Variants in NBEAL1 observed in about 807,000 individuals in gnomAD.
The protein encoded by NBEAL1 is neurobeachin like 1, also known as neurobeachin-like protein 1.
Under a neutral mutation model 351.3 loss-of-function variants are expected in NBEAL1, and 273 were observed. The ratio of observed to expected loss-of-function variants is 0.78; its 90% CI spans 0.70 to 0.86. NBEAL1 has a LOEUF of 0.86. NBEAL1 is among the 40% of genes least tolerant of loss of function. The pLI is 0.00. For missense variants in NBEAL1, 2,961 were observed against 3,201.3 expected (o/e 0.92, Z 1.81); for synonymous variants, 1,050 against 1,086.4 (o/e 0.97, Z 0.66).
At chr2:203,164,152 T>G (rs2064056611) in intron 36 of NBEAL1, among the ~76,000 whole-genome samples, 1 of 151,940 alleles carries the variant, frequency 6.6e-6, no homozygotes, top group South Asian at 2.1e-4. Flanking sequence ...AACTTTTCCT[T>G]TTTTGGCATG....
chr2:203,051,813 G>A (rs1367488695), intron 4 of NBEAL1, among the ~76,000 whole-genome samples: 1 of 152,090 alleles, frequency 6.6e-6, no homozygotes, highest in East Asian at 1.9e-4. Context: ...ATAGCTACCA[G>A]TCACAGAACA....
At chr2:203,021,996 A>T (rs1313054396) in intron 2 of NBEAL1, among the ~76,000 whole-genome samples, 1 of 151,804 alleles carries the variant, frequency 6.6e-6, no homozygotes, top group African/African-American at 2.4e-5. Context: ...AGTTGCAGTG[A>T]CCTGAGATCT....
chr2:203,100,231 G>T (rs2062284345), intron 12 of NBEAL1, among the ~76,000 whole-genome samples: 1 of 152,114 alleles, frequency 6.6e-6, no homozygotes, highest in African/African-American at 2.4e-5. Flanking sequence ...TGTCTTTATG[G>T]TAGAACAATT....
At chr2:203,063,307 G>T (rs1263571617) in intron 6 of NBEAL1, among the ~76,000 whole-genome samples, 1 of 152,004 alleles carries the variant, frequency 6.6e-6, no homozygotes, top group East Asian at 1.9e-4. Flanking sequence ...AATTGGCCAG[G>T]TGTGGTGATG....
intron 2 of NBEAL1, among the ~76,000 whole-genome samples, chr2:203,022,901 T>C (rs2060793194): frequency 6.6e-6 from 1 of 152,236 alleles, no homozygotes; most frequent in Admixed American, 6.5e-5. Flanking sequence ...AAATTTATTT[T>C]GGATGTTGAT....
chr2:203,032,813 C>T (rs2060972854), intron 2 of NBEAL1, among the ~76,000 whole-genome samples: 1 of 149,450 alleles, frequency 6.7e-6, no homozygotes, highest in Non-Finnish European at 1.5e-5. Context: ...TACAGGCACA[C>T]ACCACCACGC....
chr2:203,038,668 C>T (rs2061078228), intron 2 of NBEAL1, among the ~76,000 whole-genome samples: 1 of 148,490 alleles, frequency 6.7e-6, no homozygotes, highest in Admixed American at 6.8e-5. Context: ...ACTCTGGCAC[C>T]AGAATATAGG....
chr2:203,184,842 A>C (rs1010562106), intron 44 of NBEAL1, among the ~76,000 whole-genome samples: 4 of 151,658 alleles, frequency 2.6e-5, no homozygotes, highest in African/African-American at 9.7e-5. Context: ...TGAGAGGATC[A>C]CTTGAGCCCA....
At chr2:203,180,333 G>C (rs947897925) in intron 42 of NBEAL1, 49 bp from the exon 43 acceptor site, 1 of 1,561,962 alleles carries the variant, frequency 6.4e-7, no homozygotes, top group Non-Finnish European at 8.6e-7. Context: ...TTCATGTCTT[G>C]TTGTTGATTT....
chr2:203,097,948 A>G (rs2062219170), intron 11 of NBEAL1, among the ~76,000 whole-genome samples: 1 of 152,162 alleles, frequency 6.6e-6, no homozygotes, highest in Non-Finnish European at 1.5e-5. Flanking sequence ...TGACTTTTCT[A>G]AGCACTGTGG....
intron 51 of NBEAL1, among the ~76,000 whole-genome samples, chr2:203,203,386 G>T (rs2065457430): frequency 1.3e-5 from 2 of 152,008 alleles, no homozygotes; most frequent in South Asian, 4.2e-4. Flanking sequence ...TGTTGGCCAG[G>T]CTGGTCTTGA....
intron 2 of NBEAL1, among the ~76,000 whole-genome samples, chr2:203,031,847 C>T (rs1461198114): frequency 1.3e-5 from 2 of 152,192 alleles, no homozygotes; most frequent in Non-Finnish European, 2.9e-5. Context: ...AGCCAGTCTT[C>T]AGATTCTACC....
At chr2:203,184,311 A>G (rs1162779188) in intron 44 of NBEAL1, among the ~76,000 whole-genome samples, 3 of 152,016 alleles carry the variant, frequency 2.0e-5, no homozygotes, top group Non-Finnish European at 4.4e-5. Flanking sequence ...GGTGCCTGTA[A>G]TCCCAGCTAC....
chr2:203,107,573 ATAAC>A, intron 13 of NBEAL1, 31 bp from the exon 14 acceptor site: 2 of 1,544,434 alleles, frequency 1.3e-6, no homozygotes, highest in Admixed American at 4.0e-5. Flanking sequence ...TTTGAAAATG[ATAAC>A]TAACCTTTTA....
intron 24 of NBEAL1, among the ~76,000 whole-genome samples, chr2:203,128,843 G>A (rs1052197656): frequency 1.4e-3 from 210 of 152,100 alleles, no homozygotes; most frequent in African/African-American, 4.8e-3. Flanking sequence ...TGATCCGCCC[G>A]CCTCGGCCTC....
chr2:203,038,917 C>T (rs1282175575), intron 2 of NBEAL1, among the ~76,000 whole-genome samples: 2 of 148,784 alleles, frequency 1.3e-5, no homozygotes, highest in South Asian at 2.1e-4. Context: ...TGGGCTCAAG[C>T]GATTCTCTCA....
At chr2:203,137,888 G>A (rs1156457243) in intron 29 of NBEAL1, among the ~76,000 whole-genome samples, 1 of 151,924 alleles carries the variant, frequency 6.6e-6, no homozygotes, top group Admixed American at 6.6e-5. Flanking sequence ...GGAGACTGAG[G>A]CAGGAGAATC....
intron 2 of NBEAL1, chr2:203,040,595 A>G: frequency 1.5e-6 from 1 of 676,990 alleles, no homozygotes; most frequent in Admixed American, 1.8e-5. Context: ...GTCAAGAATA[A>G]GACCATCCCT....
chr2:203,023,550 G>A (rs536139823), intron 2 of NBEAL1, among the ~76,000 whole-genome samples: 2 of 151,538 alleles, frequency 1.3e-5, no homozygotes, highest in South Asian at 2.1e-4. Flanking sequence ...GTACTTAAGT[G>A]TAAGTGTGGA....
Sources: allele counts gnomAD v4.1 joint callset (sites outside exome capture counted in the v4.1 genomes callset), GRCh38; gene constraint gnomAD v4.1.1; transcripts MANE v1.5; gene names NCBI Gene and HGNC (gene_info 2026-07-23, HGNC 2026-07-21).